Variants in SYT1 observed in about 807,000 individuals in gnomAD.
SYT1 encodes synaptotagmin-1.
SYT1 carries 8 observed loss-of-function variants against 44.8 expected under a neutral mutation model. The observed-to-expected ratio is 0.18, with a 90% CI of 0.10 to 0.32. The LOEUF is 0.32. Among genes scored for constraint, SYT1 ranks in the 10% least tolerant of loss-of-function variants. The pLI, the probability that SYT1 is intolerant of heterozygous loss-of-function variation, is 1.00. For missense variants in SYT1, 286 were observed against 509.3 expected (o/e 0.56, Z 4.22); for synonymous variants, 154 against 188.8 (o/e 0.82, Z 1.51).
intron 1 of SYT1, among the ~76,000 whole-genome samples, chr12:78,948,751 G>A (rs1024541557): frequency 1.3e-5 from 2 of 151,742 alleles, no homozygotes; most frequent in Admixed American, 1.3e-4. Flanking sequence ...GAACACGTTA[G>A]CATTTTAAGT....
intron 9 of SYT1, among the ~76,000 whole-genome samples, chr12:79,375,848 A>C (rs1883973548): frequency 6.6e-6 from 1 of 152,118 alleles, no homozygotes; most frequent in South Asian, 2.1e-4. Context: ...CCTGATGAAT[A>C]AATGGAAAAA....
intron 3 of SYT1, among the ~76,000 whole-genome samples, chr12:79,093,839 A>G (rs1181807924): frequency 6.6e-6 from 1 of 151,788 alleles, no homozygotes; most frequent in Non-Finnish European, 1.5e-5. Flanking sequence ...TACATATATT[A>G]ATTAGAATTT....
chr12:78,901,416 T>G (rs1044653320), intron 1 of SYT1, among the ~76,000 whole-genome samples: 1 of 152,126 alleles, frequency 6.6e-6, no homozygotes, highest in Non-Finnish European at 1.5e-5. Context: ...AAACACACAC[T>G]GTATTTAAAC....
intron 4 of SYT1, among the ~76,000 whole-genome samples, chr12:79,246,931 G>C (rs891286506): frequency 2.0e-5 from 3 of 152,156 alleles, no homozygotes; most frequent in Non-Finnish European, 4.4e-5. Context: ...GGAACATAAG[G>C]GTTCAGTATA....
intron 1 of SYT1, among the ~76,000 whole-genome samples, chr12:78,944,141 T>C (rs1276311883): frequency 2.0e-5 from 3 of 151,784 alleles, no homozygotes; most frequent in African/African-American, 7.2e-5. Context: ...GGAAGGAATA[T>C]ACGCTAAAAG....
chr12:79,060,980 C>T (rs1156569427), intron 3 of SYT1, among the ~76,000 whole-genome samples: 1 of 152,010 alleles, frequency 6.6e-6, no homozygotes, highest in East Asian at 1.9e-4. Flanking sequence ...AGCCTGTCTT[C>T]ATTTGATTAT....
intron 3 of SYT1, among the ~76,000 whole-genome samples, chr12:79,142,209 C>T (rs1028650941): frequency 3.3e-5 from 5 of 152,220 alleles, no homozygotes; most frequent in Non-Finnish European, 7.3e-5. Context: ...ACAGCTCACT[C>T]ATATTACAGC....
chr12:79,082,327 A>G (rs557752409), intron 3 of SYT1, among the ~76,000 whole-genome samples: 1 of 152,322 alleles, frequency 6.6e-6, no homozygotes, highest in Non-Finnish European at 1.5e-5. Context: ...AAGTAGCTTC[A>G]ATAAACATCA....
At chr12:78,876,796 ATATAT>A (rs1393296619) in intron 1 of SYT1, among the ~76,000 whole-genome samples, 3 of 54,356 alleles carry the variant, frequency 5.5e-5, no homozygotes, top group East Asian at 4.9e-4. Context: ...AATACATATA[ATATAT>A]TATATGTAAT....
intron 4 of SYT1, among the ~76,000 whole-genome samples, chr12:79,264,662 A>G (rs1949883192): frequency 6.6e-6 from 1 of 152,224 alleles, no homozygotes; most frequent in African/African-American, 2.4e-5. Context: ...CTGCTGAAAC[A>G]TTTACCTCAG....
At chr12:78,876,789 A>ATATTATATGTAATACATAT (rs1874126352) in intron 1 of SYT1, among the ~76,000 whole-genome samples, 11 of 49,610 alleles carry the variant, frequency 2.2e-4, no homozygotes, top group Non-Finnish European at 3.9e-4. Flanking sequence ...ATTATATAAT[A>ATATTATATGTAATACATAT]CATATAATAT....
rs1294765721 is a variant in SYT1 at position 78,876,929 on chromosome 12, T to TTA, written c.-217+11826_-217+11827dup. 2.6e-5 allele frequency among the ~76,000 whole-genome samples: 3 copies of TTA among 115,884 alleles called. No homozygotes were observed. The East Asian group carries it at 6.7e-4, about 26-fold the overall frequency. The allele number at this position is 115,884 out of a possible 152,430, so 76.0% of individuals were successfully genotyped here. Reference sequence around the variant, plus strand: ...TTATATGTATTATATATAATATATATTATATATTATATATAGTGTATTTTG... The same window carrying TTA: ...TTATATGTATTATATATAATATATATTATATATATTATATATAGTGTATTTTG... On this transcript the variant is annotated intron_variant, in intron 1 of 10. Coordinates refer to ENST00000261205, the MANE Select transcript of SYT1 (RefSeq NM_005639.3).
intron 10 of SYT1, among the ~76,000 whole-genome samples, chr12:79,447,201 C>A (rs954481508): frequency 6.6e-6 from 1 of 151,794 alleles, no homozygotes; most frequent in Non-Finnish European, 1.5e-5. Context: ...CTCCTTGAGT[C>A]ACTTTGTTCT....
rs535218193 is a variant in SYT1 at position 79,244,768 on chromosome 12, A to G, written c.166+27083A>G. On this transcript the variant is annotated intron_variant, in intron 4 of 10. Transcript: ENST00000261205. ...ATGGTTATATTAACCTTCCCCGCTA[A>G]GTTTCCACACATCTCAGTTTAGTAC... Among the ~76,000 whole-genome samples the G allele has an allele frequency of 2.6e-5, 4 of 151,738 alleles. No individual in the cohort carries two copies. The South Asian group carries it at 6.2e-4, about 24-fold the overall frequency.
At chr12:79,425,815 C>T (rs563940641) in intron 9 of SYT1, among the ~76,000 whole-genome samples, 6 of 152,194 alleles carry the variant, frequency 3.9e-5, no homozygotes, top group South Asian at 2.1e-4. Flanking sequence ...TGTATAGGAA[C>T]GGTTTTACCT....
At chr12:79,039,389 C>T (rs192861401) in intron 2 of SYT1, among the ~76,000 whole-genome samples, 1 of 151,926 alleles carries the variant, frequency 6.6e-6, no homozygotes, top group East Asian at 1.9e-4. Context: ...CAGTTAATAC[C>T]AATTACATTA....
At chr12:78,881,093 T>A (rs1231597084) in intron 1 of SYT1, among the ~76,000 whole-genome samples, 1 of 151,614 alleles carries the variant, frequency 6.6e-6, no homozygotes, top group Non-Finnish European at 1.5e-5. Flanking sequence ...CTGATTGACA[T>A]ACACATGCAG....
At chr12:79,045,666 A>G (rs1228259123) in intron 2 of SYT1, 1 of 152,248 alleles carries the variant, frequency 6.6e-6, no homozygotes, top group Non-Finnish European at 1.5e-5. Context: ...ACCAAGAATA[A>G]AATAGTTGTT....
rs1049053918 is a variant in SYT1 at position 79,033,840 on chromosome 12, T to G, written c.-83-13457T>G. On this transcript the variant is annotated intron_variant, in intron 2 of 10. Transcript: ENST00000261205. ...ATTTCAAGTCTCCATATAACATATCTTACCCATCTCTCTAGTACTTACCTC... is the reference window on the plus strand; with the variant it reads ...ATTTCAAGTCTCCATATAACATATCGTACCCATCTCTCTAGTACTTACCTC... Among the ~76,000 whole-genome samples the G allele has an allele frequency of 2.0e-5, 3 of 151,482 alleles. No homozygotes were observed. The East Asian group carries it at 5.8e-4, about 29-fold the overall frequency.
Sources: allele counts gnomAD v4.1 joint callset (sites outside exome capture counted in the v4.1 genomes callset), GRCh38; gene constraint gnomAD v4.1.1; transcripts MANE v1.5; gene names NCBI Gene and HGNC (gene_info 2026-07-23, HGNC 2026-07-21).